The following SGCD variants were observed in gnomAD, a reference collection of about 807,000 sequenced individuals.
SGCD encodes the protein delta-sarcoglycan.
In SGCD, 18 loss-of-function variants were observed where a neutral mutation model predicts 36.6. The ratio of observed to expected loss-of-function variants is 0.49; its 90% CI spans 0.34 to 0.73. The LOEUF is 0.73. SGCD is among the 30% of genes least tolerant of loss of function. The probability of loss-of-function intolerance (pLI) is 0.01; values close to 1 mark genes in which losing one functional copy is unlikely to be tolerated. For missense variants in SGCD, 387 were observed against 346.7 expected (o/e 1.12, Z -0.92); for synonymous variants, 133 against 130.6 (o/e 1.02, Z -0.12).
At chr5:156,628,129 A>C (rs144251071) in intron 6 of SGCD, among the ~76,000 whole-genome samples, 1 of 152,250 alleles carries the variant, frequency 6.6e-6, no homozygotes, top group South Asian at 2.1e-4. Flanking sequence ...GCAAGAGGAG[A>C]CTGGGGAGGT....
At chr5:156,578,427 A>C (rs1186432147) in intron 4 of SGCD, among the ~76,000 whole-genome samples, 2 of 152,336 alleles carry the variant, frequency 1.3e-5, no homozygotes, top group East Asian at 3.9e-4. Context: ...TGCTGGCCTC[A>C]TCAAATGAGT....
At chr5:156,745,071 G>T (rs1756880939) in intron 7 of SGCD, among the ~76,000 whole-genome samples, 1 of 152,112 alleles carries the variant, frequency 6.6e-6, no homozygotes, top group Non-Finnish European at 1.5e-5. Context: ...CAGTTTTCAT[G>T]GCCTCCTGGG....
intron 5 of SGCD, among the ~76,000 whole-genome samples, chr5:156,594,321 A>G (rs1482787887): frequency 6.6e-6 from 1 of 152,196 alleles, no homozygotes; most frequent in East Asian, 1.9e-4. Flanking sequence ...CATCTGATAA[A>G]CTATCTAAAT....
At chr5:156,468,525 G>A (rs1754813442) in intron 3 of SGCD, among the ~76,000 whole-genome samples, 1 of 151,952 alleles carries the variant, frequency 6.6e-6, no homozygotes, top group South Asian at 2.1e-4. Context: ...AACAGAGAAG[G>A]GACAACCTAA....
chr5:156,041,853 A>G (rs1759644009), intron 1 of SGCD, among the ~76,000 whole-genome samples: 1 of 152,226 alleles, frequency 6.6e-6, no homozygotes, highest in Non-Finnish European at 1.5e-5. Context: ...GGATTACACA[A>G]CTTCACAAAG....
At chr5:155,871,510 C>T (rs1755654574) in intron 1 of SGCD, among the ~76,000 whole-genome samples, 1 of 152,100 alleles carries the variant, frequency 6.6e-6, no homozygotes, top group Non-Finnish European at 1.5e-5. Context: ...TTCTGTCTGC[C>T]TAGGGAGCCA....
intron 1 of SGCD, among the ~76,000 whole-genome samples, chr5:155,998,444 G>C (rs1245116790): frequency 6.6e-6 from 1 of 152,164 alleles, no homozygotes; most frequent in Non-Finnish European, 1.5e-5. Context: ...GGTGTTTCCT[G>C]AGAAAATTGC....
At chr5:156,671,643 G>C (rs1753299639) in intron 7 of SGCD, among the ~76,000 whole-genome samples, 1 of 152,144 alleles carries the variant, frequency 6.6e-6, no homozygotes, top group South Asian at 2.1e-4. Context: ...GGGACTTATT[G>C]GGTGGCAGGC....
At chr5:155,844,874 C>T in the SGCD span, among the ~76,000 whole-genome samples, 1 of 152,104 alleles carries the variant, frequency 6.6e-6, no homozygotes, top group Non-Finnish European at 1.5e-5. Context: ...TCTGTGCTTC[C>T]ATCATCTTTT....
chr5:156,582,247 C>G (rs1760293202), intron 4 of SGCD, among the ~76,000 whole-genome samples: 1 of 152,126 alleles, frequency 6.6e-6, no homozygotes, highest in Non-Finnish European at 1.5e-5. Context: ...TGTTCATTGT[C>G]AAGTGCCACC....
Position 156,439,860 on chromosome 5 carries a change from GA to G in SGCD, c.193-68733del, listed in dbSNP as rs915141210. On this transcript the variant is annotated intron_variant, in intron 3 of 8. Coordinates refer to ENST00000337851, the MANE Select transcript of SGCD (RefSeq NM_000337.6). ...TATCTTGTTGTATCAGATTGTTGTG[GA>G]AAAAAAATCATGGAAATCAGCAAGA... 1.4e-4 allele frequency among the ~76,000 whole-genome samples: 22 copies of G among 151,742 alleles called. 1 individual carries two copies. Among genetic ancestry groups the G allele is most frequent in the Non-Finnish European group, 1.5e-5 (1 of 67,900 alleles).
intron 6 of SGCD, among the ~76,000 whole-genome samples, chr5:156,602,774 C>A (rs1761252989): frequency 6.6e-6 from 1 of 152,170 alleles, no homozygotes; most frequent in Non-Finnish European, 1.5e-5. Flanking sequence ...ACCATCCTTG[C>A]ATTCCTGGTA....
In SGCD at chr5:156,736,219, C is replaced by T. The variant is rs1015727017; in HGVS notation, c.576-21362C>T. ...CTTCCTTTCCTCTCTGTGAGAGCCA[C>T]GCATCCTATCTGCTTTTAGTTGGCC... On this transcript the variant is annotated intron_variant, in intron 7 of 8. Transcript: ENST00000337851. Among the ~76,000 whole-genome samples, 12 of 152,264 alleles carry T rather than the reference C, an allele frequency of 7.9e-5. 1 individual carries two copies. In the South Asian group the frequency reaches 1.0e-3, roughly 13 times the overall value.
intron 3 of SGCD, among the ~76,000 whole-genome samples, chr5:156,312,372 T>C (rs1469344889): frequency 1.3e-5 from 2 of 152,214 alleles, no homozygotes; most frequent in Admixed American, 1.3e-4. Flanking sequence ...TCTTTACTGA[T>C]ATACTTAGAA....
chr5:156,128,915 C>T (rs1180545695), intron 3 of SGCD, among the ~76,000 whole-genome samples: 1 of 152,058 alleles, frequency 6.6e-6, no homozygotes, highest in African/African-American at 2.4e-5. Context: ...ATAACATGGA[C>T]AAATCTCAAA....
At chr5:156,248,688 C>T (rs771009754) in intron 3 of SGCD, among the ~76,000 whole-genome samples, 4 of 152,136 alleles carry the variant, frequency 2.6e-5, no homozygotes, top group Non-Finnish European at 5.9e-5. Context: ...TCCACTGAAG[C>T]GTGACAAGAC....
chr5:156,276,184 G>T (rs576409839), intron 3 of SGCD, among the ~76,000 whole-genome samples: 97 of 152,198 alleles, frequency 6.4e-4, no homozygotes, highest in Middle Eastern at 3.4e-3. Flanking sequence ...AACACTAGGT[G>T]CATGGCAATT....
chr5:156,710,704 G>A (rs1417784232), intron 7 of SGCD, among the ~76,000 whole-genome samples: 1 of 152,212 alleles, frequency 6.6e-6, no homozygotes, highest in Non-Finnish European at 1.5e-5. Context: ...AGTCAATAGA[G>A]TGTCTCGGTT....
At chr5:156,573,724 C>T (rs1759814105) in intron 4 of SGCD, among the ~76,000 whole-genome samples, 1 of 152,114 alleles carries the variant, frequency 6.6e-6, no homozygotes, top group Non-Finnish European at 1.5e-5. Context: ...TGGGGGGTCT[C>T]ACTCTATCAC....
Sources: gnomAD v4.1 joint callset for allele counts (sites outside exome capture counted in the v4.1 genomes callset) on GRCh38, gnomAD v4.1.1 for gene constraint, MANE v1.5 for transcripts, NCBI Gene and HGNC (gene_info 2026-07-23, HGNC 2026-07-21) for gene names.